Variants in ABCD3 observed in about 807,000 individuals in gnomAD.
The protein encoded by ABCD3 is ATP binding cassette subfamily D member 3.
A neutral mutation model predicts 105.5 loss-of-function variants in ABCD3; 41 were observed. That is an observed-to-expected ratio of 0.39 (90% confidence interval 0.30 to 0.50). The LOEUF (loss-of-function observed/expected upper bound fraction) is 0.50. Among genes scored for constraint, ABCD3 ranks in the 20% least tolerant of loss-of-function variants. ABCD3 has a pLI of 0.84. For missense variants in ABCD3, 622 were observed against 806.3 expected (o/e 0.77, Z 2.77); for synonymous variants, 258 against 269.0 (o/e 0.96, Z 0.40).
intron 4 of ABCD3, among the ~76,000 whole-genome samples, chr1:94,471,450 C>T (rs188140411): frequency 2.0e-5 from 3 of 148,434 alleles, no homozygotes; most frequent in East Asian, 2.0e-4. Flanking sequence ...CTCAATTACA[C>T]GGGAGGCTGA....
chr1:94,494,151 TTTAAA>T (rs1289958740), intron 16 of ABCD3, among the ~76,000 whole-genome samples: 18 of 152,102 alleles, frequency 1.2e-4, no homozygotes, highest in African/African-American at 3.9e-4. Context: ...CATCAAAATG[TTTAAA>T]TTAATGAGTT....
At chr1:94,408,148 T>A in the ABCD3 span, among the ~76,000 whole-genome samples, 1 of 152,218 alleles carries the variant, frequency 6.6e-6, no homozygotes, top group Non-Finnish European at 1.5e-5. Context: ...GAGCTGTCAT[T>A]TCTATTATAG....
chr1:94,423,600 G>T (rs1557657132), intron 1 of ABCD3, among the ~76,000 whole-genome samples: 1 of 152,198 alleles, frequency 6.6e-6, no homozygotes, highest in Non-Finnish European at 1.5e-5. Context: ...GATATTTATA[G>T]TAGGGCTTTA....
intron 20 of ABCD3, among the ~76,000 whole-genome samples, chr1:94,504,222 A>G (rs1331527570): frequency 1.3e-5 from 2 of 151,546 alleles, no homozygotes; most frequent in South Asian, 4.2e-4. Flanking sequence ...GGTACAAGCA[A>G]TTCTTGTTCC....
intron 2 of ABCD3, among the ~76,000 whole-genome samples, chr1:94,461,926 T>C (rs781290334): frequency 6.6e-6 from 1 of 152,188 alleles, no homozygotes; most frequent in Non-Finnish European, 1.5e-5. Flanking sequence ...TTCCCTACAA[T>C]GTATAGGAAT....
chr1:94,394,268 T>C, the ABCD3 span, among the ~76,000 whole-genome samples: 1 of 152,162 alleles, frequency 6.6e-6, no homozygotes, highest in African/African-American at 2.4e-5. Flanking sequence ...TGATAATCTG[T>C]GAGACAGTAA....
the ABCD3 span, among the ~76,000 whole-genome samples, chr1:94,395,636 T>C: frequency 2.0e-5 from 3 of 152,218 alleles, no homozygotes; most frequent in African/African-American, 4.8e-5. Flanking sequence ...ATAAAGGTCA[T>C]GATCCTGTGG....
chr1:94,469,766 C>T (rs767814914), intron 4 of ABCD3, among the ~76,000 whole-genome samples: 59 of 150,134 alleles, frequency 3.9e-4, no homozygotes, highest in Non-Finnish European at 6.5e-4. Context: ...CCTGGGTTCA[C>T]GCCATTCTCC....
the ABCD3 span, among the ~76,000 whole-genome samples, chr1:94,400,271 T>G: frequency 4.0e-5 from 6 of 151,602 alleles, no homozygotes; most frequent in Admixed American, 3.9e-4. Context: ...GAGTCCAGCT[T>G]GGTGGCAGCT....
intron 16 of ABCD3, among the ~76,000 whole-genome samples, chr1:94,495,420 A>T (rs1291609561): frequency 6.6e-6 from 1 of 152,116 alleles, no homozygotes; most frequent in Non-Finnish European, 1.5e-5. Flanking sequence ...TCTTAATTTA[A>T]CCCCACAAAA....
chr1:94,515,192 A>G lies in ABCD3; in HGVS notation c.1892A>G (p.Lys631Arg). The change falls in exon 22 of 23, where the codon AAA becomes AGA. Residue 631 changes from lysine to arginine, a missense_variant. Physicochemically the swap from Lys to Arg is conservative, Grantham distance 26. Around this residue, in one of 4 missense-constraint regions of ABCD3, gnomAD observed 285 missense variants for 352.5 expected, o/e 0.81. Coordinates refer to ENST00000370214, the MANE Select transcript of ABCD3 (RefSeq NM_002858.4). ...FTVSHRKSLW[K>R]HHEYYLHMDG... ...GTGTCTCATAGGAAATCTCTTTGGA[A>G]ACATCATGAGGTTTGTATTTCTTTC... 1 of 1,608,926 alleles carries G rather than the reference A, an allele frequency of 6.2e-7. No homozygotes were observed. Among genetic ancestry groups the G allele is most frequent in the Non-Finnish European group, 8.5e-7 (1 of 1,176,188 alleles).
At chr1:94,402,184 C>G in the ABCD3 span, among the ~76,000 whole-genome samples, 1 of 152,172 alleles carries the variant, frequency 6.6e-6, no homozygotes, top group African/African-American at 2.4e-5. Context: ...AACCTGTTTA[C>G]CCATTCTTTT....
intron 13 of ABCD3, among the ~76,000 whole-genome samples, chr1:94,489,080 G>A (rs1335335845): frequency 6.6e-6 from 1 of 152,062 alleles, no homozygotes; most frequent in Non-Finnish European, 1.5e-5. Context: ...TTTATTCAGA[G>A]AAAAATCCTG....
intron 4 of ABCD3, among the ~76,000 whole-genome samples, chr1:94,473,172 T>C (rs956466523): frequency 6.6e-6 from 1 of 152,110 alleles, no homozygotes; most frequent in Admixed American, 6.6e-5. Flanking sequence ...ACAGGTCAAA[T>C]CTCACTACCT....
the ABCD3 span, among the ~76,000 whole-genome samples, chr1:94,402,158 T>C: frequency 6.6e-6 from 1 of 152,240 alleles, no homozygotes; most frequent in African/African-American, 2.4e-5. Flanking sequence ...AATGTTTCAT[T>C]GTCTGGATAT....
At chr1:94,500,535 A>G (rs909200465) in intron 20 of ABCD3, among the ~76,000 whole-genome samples, 3 of 152,234 alleles carry the variant, frequency 2.0e-5, no homozygotes, top group African/African-American at 7.2e-5. Context: ...TTTTAACTAT[A>G]TATTTCATAG....
intron 1 of ABCD3, chr1:94,418,808 G>A (rs1659131705): frequency 5.2e-6 from 3 of 576,842 alleles, no homozygotes; most frequent in Admixed American, 3.1e-5. Context: ...GCTCCACCCC[G>A]GGAGTGCGAA....
At chr1:94,463,387 A>G (rs1246140652) in intron 2 of ABCD3, among the ~76,000 whole-genome samples, 1 of 152,224 alleles carries the variant, frequency 6.6e-6, no homozygotes, top group East Asian at 1.9e-4. Flanking sequence ...TCTGACACAT[A>G]GTTGGTAGTT....
chr1:94,510,729 C>A (rs1650621362), intron 21 of ABCD3, among the ~76,000 whole-genome samples: 1 of 152,088 alleles, frequency 6.6e-6, no homozygotes, highest in South Asian at 2.1e-4. Flanking sequence ...GAATTGATCC[C>A]TTTACCATTA....
Sources: allele counts gnomAD v4.1 joint callset (sites outside exome capture counted in the v4.1 genomes callset), GRCh38; gene constraint gnomAD v4.1.1; regional missense constraint gnomAD v4.1.1; transcripts MANE v1.5; gene names NCBI Gene and HGNC (gene_info 2026-07-23, HGNC 2026-07-21).